The following LANCL1 variants were observed in gnomAD, a reference collection of about 807,000 sequenced individuals.
LANCL1 encodes LanC like glutathione S-transferase 1, also known as glutathione S-transferase LANCL1.
In LANCL1, 50 loss-of-function variants were observed where a neutral mutation model predicts 50.6. That is an observed-to-expected ratio of 0.99 (90% CI 0.79 to 1.25). The LOEUF (loss-of-function observed/expected upper bound fraction) is 1.25, where lower values mean the gene tolerates loss of function less well. LANCL1 is among the 50% of genes most tolerant of loss of function. LANCL1 has a pLI of 0.00. For synonymous variants in LANCL1, 188 were observed against 178.6 expected, an observed-to-expected ratio of 1.05 and a Z score of -0.42; for missense variants, 532 against 480.7, an observed-to-expected ratio of 1.11 and a Z score of -1.00.
intron 3 of LANCL1, among the ~76,000 whole-genome samples, chr2:210,457,388 A>C (rs1457874465): frequency 1.3e-5 from 2 of 152,138 alleles, no homozygotes; most frequent in African/African-American, 4.8e-5. Flanking sequence ...CTTAAACCTG[A>C]TCTTTATGGT....
intron 3 of LANCL1, among the ~76,000 whole-genome samples, chr2:210,465,512 A>G (rs909978049): frequency 2.6e-5 from 4 of 152,258 alleles, no homozygotes; most frequent in Admixed American, 2.6e-4. Context: ...TCATGAAGCC[A>G]TCACTGCAGT....
intron 9 of LANCL1, 80 bp from the exon 10 acceptor site, chr2:210,434,643 T>C: frequency 2.6e-6 from 3 of 1,165,004 alleles, no homozygotes; most frequent in Non-Finnish European, 3.8e-6. Context: ...CCCATATCTT[T>C]ATTGACAAAA....
At chr2:210,474,448 G>C (rs1378840321) in intron 2 of LANCL1, among the ~76,000 whole-genome samples, 1 of 152,082 alleles carries the variant, frequency 6.6e-6, no homozygotes, top group Non-Finnish European at 1.5e-5. Flanking sequence ...CGACATGGTG[G>C]CTCACACCTG....
intron 2 of LANCL1, among the ~76,000 whole-genome samples, chr2:210,472,888 G>C (rs1007202582): frequency 1.3e-5 from 2 of 152,202 alleles, no homozygotes; most frequent in Non-Finnish European, 2.9e-5. Flanking sequence ...AGCAGATCAA[G>C]GGTCTAAGGC....
intron 6 of LANCL1, among the ~76,000 whole-genome samples, chr2:210,440,096 G>C (rs1340549635): frequency 6.6e-6 from 1 of 152,130 alleles, no homozygotes; most frequent in East Asian, 1.9e-4. Context: ...AAGAACTGTA[G>C]GGCAGAGCAT....
chr2:210,474,053 G>T (rs938598798), intron 2 of LANCL1, among the ~76,000 whole-genome samples: 13 of 152,184 alleles, frequency 8.5e-5, no homozygotes, highest in Admixed American at 3.9e-4. Context: ...ATGAAGGGAA[G>T]TTACTTTCTG....
rs1260214456 is a variant in LANCL1 at position 210,433,396 on chromosome 2, CTTAGT to C, written c.*1086_*1090del. On this transcript the variant is annotated 3_prime_UTR_variant, in exon 10 of 10. Coordinates refer to ENST00000450366, the MANE Select transcript of LANCL1 (RefSeq NM_006055.3). ...CAATAAAAAGCATTTCTATTAAATGCTTAGTTTAGTGTTTTTGTTCAAGTTATTGG... is the reference window on the plus strand; with the variant it reads ...CAATAAAAAGCATTTCTATTAAATGCTTAGTGTTTTTGTTCAAGTTATTGG... 4 of 152,242 alleles carry C rather than the reference CTTAGT, an allele frequency of 2.6e-5. No homozygotes were observed. The highest frequency in any genetic ancestry group is 3.9e-4 in the East Asian group (2 of 5,182). 9.4% of individuals were successfully genotyped at this position (152,242 alleles called of 1,614,324 possible).
At chr2:210,449,841 A>C (rs1693457866) in intron 4 of LANCL1, among the ~76,000 whole-genome samples, 1 of 152,248 alleles carries the variant, frequency 6.6e-6, no homozygotes, top group Non-Finnish European at 1.5e-5. Context: ...AGAAAATAAC[A>C]GAGGACACAA....
At chr2:210,443,489 T>C (rs1693212119) in intron 4 of LANCL1, among the ~76,000 whole-genome samples, 3 of 152,248 alleles carry the variant, frequency 2.0e-5, no homozygotes, top group Admixed American at 6.5e-5. Flanking sequence ...ACATTAGCCC[T>C]AACAAATGTT....
At chr2:210,451,947 TA>T (rs1693523999) in intron 4 of LANCL1, among the ~76,000 whole-genome samples, 1 of 152,182 alleles carries the variant, frequency 6.6e-6, no homozygotes, top group East Asian at 1.9e-4. Context: ...AACAAATGTA[TA>T]ATCCACTTAT....
intron 4 of LANCL1, among the ~76,000 whole-genome samples, chr2:210,441,892 T>C (rs992283287): frequency 2.0e-5 from 3 of 150,430 alleles, no homozygotes; most frequent in African/African-American, 5.0e-5. Flanking sequence ...TCTATCACAG[T>C]CAATAATACA....
intron 3 of LANCL1, among the ~76,000 whole-genome samples, chr2:210,458,429 G>C (rs1693733210): frequency 6.6e-6 from 1 of 152,104 alleles, no homozygotes; most frequent in Non-Finnish European, 1.5e-5. Flanking sequence ...AATATACTTA[G>C]ATTTGTTTTG....
intron 4 of LANCL1, among the ~76,000 whole-genome samples, chr2:210,450,900 A>G (rs1428301349): frequency 6.6e-6 from 1 of 152,196 alleles, no homozygotes; most frequent in Non-Finnish European, 1.5e-5. Flanking sequence ...AATTAGTTCA[A>G]CCATTGTGGA....
In LANCL1 at chr2:210,435,376, G is replaced by A. The variant is rs754906742; in HGVS notation, c.1123+11C>T. ...ATATTATAGGGCAAATAAATAAAGT[G>A]TACAAAATACCTTCAAAGAGAGAGA... is the stretch of plus-strand genomic sequence containing the variant. On this transcript the variant is annotated intron_variant, in intron 9 of 9. Coordinates refer to ENST00000450366, the MANE Select transcript of LANCL1 (RefSeq NM_006055.3). 4.4e-6 allele frequency: 7 copies of A among 1,598,646 alleles called. No homozygotes were observed. Among genetic ancestry groups the A allele is most frequent in the African/African-American group, 4.0e-5 (3 of 74,556 alleles).
At chr2:210,474,635 A>T (rs1388699032) in intron 2 of LANCL1, among the ~76,000 whole-genome samples, 1 of 151,964 alleles carries the variant, frequency 6.6e-6, no homozygotes, top group African/African-American at 2.4e-5. Context: ...CTGGGGCATG[A>T]GAGTCACTTG....
chr2:210,453,876 T>G (rs1345288807), intron 4 of LANCL1, among the ~76,000 whole-genome samples: 1 of 152,132 alleles, frequency 6.6e-6, no homozygotes, highest in Non-Finnish European at 1.5e-5. Context: ...CATCTTTCAT[T>G]TTGGTCGAGC....
At chr2:210,474,561 CAA>C (rs773466286) in intron 2 of LANCL1, among the ~76,000 whole-genome samples, 8 of 122,624 alleles carry the variant, frequency 6.5e-5, no homozygotes, top group African/African-American at 6.0e-5. Context: ...ACTAAAAATA[CAA>C]AAAAAAAAAA....
At chr2:210,454,991 A>G in intron 4 of LANCL1, 116 bp downstream of exon 4, 1 of 762,702 alleles carries the variant, frequency 1.3e-6, no homozygotes, top group Non-Finnish European at 2.1e-6. Context: ...AAATGACAGC[A>G]GTGAGATTTA....
intron 4 of LANCL1, among the ~76,000 whole-genome samples, chr2:210,442,304 T>A (rs1360597905): frequency 2.0e-5 from 3 of 152,154 alleles, no homozygotes; most frequent in Non-Finnish European, 4.4e-5. Flanking sequence ...ATGGTTACCA[T>A]TTTTTTGTGT....
Sources: allele counts gnomAD v4.1 joint callset (sites outside exome capture counted in the v4.1 genomes callset), GRCh38; gene constraint gnomAD v4.1.1; transcripts MANE v1.5; gene names NCBI Gene and HGNC (gene_info 2026-07-23, HGNC 2026-07-21).